Variants in SASH1 observed in about 807,000 individuals in gnomAD.
The protein encoded by SASH1 is SAM and SH3 domain-containing protein 1.
A neutral mutation model predicts 125.2 loss-of-function variants in SASH1; 44 were observed. The ratio of observed to expected loss-of-function variants is 0.35; its 90% CI spans 0.28 to 0.45. SASH1 has a LOEUF of 0.45. Among genes scored for constraint, SASH1 ranks in the 20% least tolerant of loss-of-function variants. The pLI is 1.00. For missense variants in SASH1, 1,426 were observed against 1,614.5 expected (o/e 0.88, Z 2.00); for synonymous variants, 639 against 649.1 (o/e 0.98, Z 0.24).
chr6:148,274,990 C>T (rs908434438), intron 1 of SASH1, among the ~76,000 whole-genome samples: 1 of 152,152 alleles, frequency 6.6e-6, no homozygotes, highest in African/African-American at 2.4e-5. Context: ...CACCAAGGCA[C>T]CAATGGGTGG....
At chr6:148,213,505 G>GGGGTGTGTGTGTGT in the SASH1 span, among the ~76,000 whole-genome samples, 1 of 148,352 alleles carries the variant, frequency 6.7e-6, no homozygotes, top group Non-Finnish European at 1.5e-5. Flanking sequence ...CTAGCCAAAG[G>GGGGTGTGTGTGTGT]GTGTGTGTGT....
chr6:148,509,433 G>A (rs1307008153), intron 8 of SASH1: 1 of 156,824 alleles, frequency 6.4e-6, no homozygotes, highest in African/African-American at 2.4e-5. Flanking sequence ...CTTAGTCTGG[G>A]TGTTAATTGT....
the SASH1 span, among the ~76,000 whole-genome samples, chr6:148,257,968 C>A: frequency 1.3e-5 from 2 of 152,138 alleles, no homozygotes; most frequent in East Asian, 3.8e-4. Flanking sequence ...TCTTTAAGAT[C>A]CTGGAAGATG....
At chr6:148,215,998 C>A in the SASH1 span, among the ~76,000 whole-genome samples, 1 of 152,232 alleles carries the variant, frequency 6.6e-6, no homozygotes, top group East Asian at 1.9e-4. Flanking sequence ...GCTGGGATTA[C>A]AGGCGCCCGC....
intron 1 of SASH1, among the ~76,000 whole-genome samples, chr6:148,375,975 A>C (rs1448596862): frequency 6.6e-6 from 1 of 152,202 alleles, no homozygotes. Flanking sequence ...TAACTCATGC[A>C]CTGTACTTGG....
At chr6:148,290,645 G>A (rs936745510) in intron 1 of SASH1, among the ~76,000 whole-genome samples, 10 of 151,974 alleles carry the variant, frequency 6.6e-5, no homozygotes, top group African/African-American at 2.4e-4. Context: ...GATGTGCTTT[G>A]TTAAACAGAT....
the SASH1 span, among the ~76,000 whole-genome samples, chr6:148,237,042 G>T: frequency 6.6e-6 from 1 of 152,124 alleles, no homozygotes; most frequent in African/African-American, 2.4e-5. Context: ...CCAACCTCTG[G>T]AACTGTGAGA....
intron 4 of SASH1, among the ~76,000 whole-genome samples, chr6:148,453,823 G>C (rs1777214389): frequency 6.6e-6 from 1 of 152,200 alleles, no homozygotes; most frequent in African/African-American, 2.4e-5. Context: ...ACCCCGCTTG[G>C]GGGATAGGCA....
At chr6:148,231,281 T>G in the SASH1 span, among the ~76,000 whole-genome samples, 9 of 152,248 alleles carry the variant, frequency 5.9e-5, no homozygotes, top group African/African-American at 1.9e-4. Flanking sequence ...AGCAATCAAT[T>G]GACCATACAT....
At chr6:148,284,677 G>C (rs1184056965) in intron 1 of SASH1, among the ~76,000 whole-genome samples, 1 of 152,162 alleles carries the variant, frequency 6.6e-6, no homozygotes, top group Non-Finnish European at 1.5e-5. Flanking sequence ...AACTCTTTGA[G>C]AGCATCTTGT....
chr6:148,349,880 C>T (rs1053625751), intron 1 of SASH1, among the ~76,000 whole-genome samples: 29 of 150,060 alleles, frequency 1.9e-4, no homozygotes, highest in African/African-American at 6.9e-4. Context: ...GAGTCTCGCT[C>T]TGTCGCCCAG....
At chr6:148,508,624 A>G in intron 8 of SASH1, 1 of 1,148,608 alleles carries the variant, frequency 8.7e-7, no homozygotes, top group Non-Finnish European at 1.1e-6. Flanking sequence ...GCGACTGGGG[A>G]ATCAGTCAGC....
At chr6:148,411,656 G>C (rs1411933850) in intron 2 of SASH1, among the ~76,000 whole-genome samples, 2 of 152,064 alleles carry the variant, frequency 1.3e-5, no homozygotes, top group African/African-American at 4.8e-5. Context: ...CGATTCTTGT[G>C]CCTTGGCCTC....
intron 2 of SASH1, among the ~76,000 whole-genome samples, chr6:148,421,629 A>C (rs1785110028): frequency 6.6e-6 from 1 of 152,234 alleles, no homozygotes. Flanking sequence ...ATATGAGTGT[A>C]GCAGGCTGAA....
Position 148,322,967 on chromosome 6 carries a change from CTA to C in SASH1, n.74+50591_74+50592del, listed in dbSNP as rs879310724. Reference sequence around the variant, plus strand: ...CCTTCCTTCCTCCCTCCCTCCCTCTCTACTTCCCTCCCTCCCTTTCTCTTTCT... The same window carrying C: ...CCTTCCTTCCTCCCTCCCTCCCTCTCCTTCCCTCCCTCCCTTTCTCTTTCT... On this transcript the variant is annotated intron_variant and non_coding_transcript_variant, in intron 1 of 3. Transcript: ENST00000367469. Among the ~76,000 whole-genome samples the C allele has an allele frequency of 2.4e-4, 34 of 142,854 alleles. 1 individual carries two copies. The highest frequency in any genetic ancestry group is 1.2e-3 in the East Asian group (6 of 4,882). 93.7% of individuals were successfully genotyped at this position (142,854 alleles called of 152,430 possible). A position where few individuals can be genotyped will look rare whatever the true frequency, so the allele number is the denominator to read the frequency against.
chr6:148,433,605 T>C (rs1316208760), intron 2 of SASH1, among the ~76,000 whole-genome samples: 5 of 151,878 alleles, frequency 3.3e-5, no homozygotes, highest in Non-Finnish European at 7.4e-5. Context: ...AGGGTTTCAG[T>C]ATGTTGGCCA....
intron 2 of SASH1, among the ~76,000 whole-genome samples, chr6:148,417,361 C>T (rs112233790): frequency 1.3e-5 from 2 of 151,944 alleles, no homozygotes; most frequent in Non-Finnish European, 1.5e-5. Flanking sequence ...GTGAAGCGGG[C>T]GGATCACAAG....
intron 8 of SASH1, among the ~76,000 whole-genome samples, chr6:148,492,827 TATAAATAA>T (rs4052629): frequency 0.096 from 13,905 of 145,424 alleles, 727 homozygotes; most frequent in African/African-American, 0.13. Flanking sequence ...TCTCATAAAA[TATAAATAA>T]ATAAATAAAT....
chr6:148,512,174 A>T (rs560762209), intron 8 of SASH1, among the ~76,000 whole-genome samples: 1 of 151,930 alleles, frequency 6.6e-6, no homozygotes, highest in Non-Finnish European at 1.5e-5. Flanking sequence ...ACCCGCCACC[A>T]CGCCCAGCTA....
Sources: gnomAD v4.1 joint callset for allele counts (sites outside exome capture counted in the v4.1 genomes callset) on GRCh38, gnomAD v4.1.1 for gene constraint, MANE v1.5 for transcripts, NCBI Gene and HGNC (gene_info 2026-07-23, HGNC 2026-07-21) for gene names.